The following AK9 variants were observed in gnomAD, a reference collection of about 807,000 sequenced individuals.
AK9 encodes adenylate kinase domain containing 1.
In AK9, 191 loss-of-function variants were observed where a neutral mutation model predicts 239.6. That is an observed-to-expected ratio of 0.80 (90% CI 0.71 to 0.90). AK9 has a LOEUF of 0.90. Ranked by LOEUF, AK9 falls within the 40% of genes least tolerant of loss-of-function variation. The pLI is 0.00. For missense variants in AK9, 1,995 were observed against 2,214.7 expected (o/e 0.90, Z 1.99); for synonymous variants, 689 against 721.0 (o/e 0.96, Z 0.71).
chr6:109,652,857 T>C (rs889256893), intron 8 of AK9, among the ~76,000 whole-genome samples: 5 of 152,208 alleles, frequency 3.3e-5, no homozygotes, highest in Admixed American at 3.3e-4. Context: ...CACATATAAA[T>C]GTTCAGTAAC....
At chr6:109,650,975 G>A (rs1285369559) in intron 8 of AK9, among the ~76,000 whole-genome samples, 2 of 151,892 alleles carry the variant, frequency 1.3e-5, no homozygotes, top group East Asian at 1.9e-4. Context: ...GCAAACTATC[G>A]CAAGGACAAA....
intron 24 of AK9, among the ~76,000 whole-genome samples, chr6:109,556,104 A>T (rs746560920): frequency 3.2e-4 from 49 of 152,144 alleles, no homozygotes; most frequent in Non-Finnish European, 1.6e-4. Flanking sequence ...TTGTAGTGTC[A>T]TTGGTCTTTA....
At chr6:109,664,870 TA>T (rs1238437860) in intron 5 of AK9, among the ~76,000 whole-genome samples, 33 of 148,956 alleles carry the variant, frequency 2.2e-4, no homozygotes, top group African/African-American at 2.2e-4. Flanking sequence ...CCATCTCTAC[TA>T]AAAAAAAAAA....
At chr6:109,522,115 A>C (rs955736402) in intron 29 of AK9, among the ~76,000 whole-genome samples, 1 of 152,044 alleles carries the variant, frequency 6.6e-6, no homozygotes, top group Non-Finnish European at 1.5e-5. Flanking sequence ...TTTGTCTTTT[A>C]CTATCCAGTA....
At chr6:109,586,430 AAAGGG>A (rs1789516843) in intron 17 of AK9, among the ~76,000 whole-genome samples, 2 of 152,174 alleles carry the variant, frequency 1.3e-5, no homozygotes, top group South Asian at 4.1e-4. Context: ...CAAAGTTAAC[AAAGGG>A]AAGAACAGAC....
At chr6:109,579,138 G>C (rs1358692078) in intron 20 of AK9, among the ~76,000 whole-genome samples, 1 of 152,170 alleles carries the variant, frequency 6.6e-6, no homozygotes, top group Non-Finnish European at 1.5e-5. Context: ...TAATCATAAA[G>C]AGAGTAAGTG....
At chr6:109,652,339 C>G (rs903320868) in intron 8 of AK9, among the ~76,000 whole-genome samples, 7 of 143,184 alleles carry the variant, frequency 4.9e-5, no homozygotes, top group Admixed American at 1.4e-4. Flanking sequence ...AAAAGGCCTT[C>G]AAAAAAATTC....
At chr6:109,584,440 C>A (rs1414133464) in intron 19 of AK9, among the ~76,000 whole-genome samples, 2 of 151,886 alleles carry the variant, frequency 1.3e-5, no homozygotes, top group Non-Finnish European at 2.9e-5. Flanking sequence ...AGTAGAAATC[C>A]CAGTGGACAA....
At chr6:109,665,532 G>A (rs1801066866) in intron 5 of AK9, among the ~76,000 whole-genome samples, 1 of 152,188 alleles carries the variant, frequency 6.6e-6, no homozygotes, top group African/African-American at 2.4e-5. Flanking sequence ...CTTTGCTCTT[G>A]TGAGTCTAGC....
intron 17 of AK9, among the ~76,000 whole-genome samples, chr6:109,603,621 C>A (rs1356771088): frequency 6.6e-6 from 1 of 152,214 alleles, no homozygotes; most frequent in Non-Finnish European, 1.5e-5. Context: ...ACATTTAAGT[C>A]TGCAGAGGTT....
intron 17 of AK9, among the ~76,000 whole-genome samples, chr6:109,593,143 G>C (rs1229098392): frequency 6.6e-6 from 1 of 151,414 alleles, no homozygotes; most frequent in Non-Finnish European, 1.5e-5. Flanking sequence ...GCTTGTGCTG[G>C]GCTATTGTTA....
chr6:109,586,134 A>AC, intron 17 of AK9, 62 bp from the exon 18 acceptor site: 5 of 1,314,192 alleles, frequency 3.8e-6, no homozygotes, highest in Non-Finnish European at 5.0e-6. Flanking sequence ...TGCAACCTTG[A>AC]TATGTAATTT....
chr6:109,612,589 T>A (rs532693156), intron 15 of AK9, among the ~76,000 whole-genome samples: 2 of 152,114 alleles, frequency 1.3e-5, no homozygotes, highest in South Asian at 4.1e-4. Flanking sequence ...GCAGCAAAGA[T>A]GAGGCTGTCA....
At chr6:109,642,762 C>T (rs992452004) in intron 9 of AK9, among the ~76,000 whole-genome samples, 7 of 151,958 alleles carry the variant, frequency 4.6e-5, no homozygotes, top group Admixed American at 1.3e-4. Flanking sequence ...AAAAGGAGAA[C>T]GGTGGGAGAA....
Position 109,493,245 on chromosome 6 carries a change from A to G in AK9, c.*124T>C. On this transcript the variant is annotated 3_prime_UTR_variant, in exon 41 of 41. Transcript: ENST00000424296. ...TGAGTTCACCTGAAGTCTGGCAGCC[A>G]TGGTACCTTGCTCAGGAGGCAAAAG... is the stretch of plus-strand genomic sequence containing the variant. 3 of 966,470 alleles carry G rather than the reference A, an allele frequency of 3.1e-6. No homozygotes were observed. The highest frequency in any genetic ancestry group is 3.1e-6 in the Non-Finnish European group (2 of 645,810). The allele number at this position is 966,470 out of a possible 1,614,324, so 59.9% of individuals were successfully genotyped here. A position where few individuals can be genotyped will look rare whatever the true frequency, so the allele number is the denominator to read the frequency against.
At chr6:109,548,416 A>T (rs1231394273) in intron 25 of AK9, among the ~76,000 whole-genome samples, 5 of 152,204 alleles carry the variant, frequency 3.3e-5, no homozygotes, top group Admixed American at 3.3e-4. Context: ...CTTGAGAAGA[A>T]GAATGGTGAA....
chr6:109,615,608 G>A (rs1020955594), intron 13 of AK9, among the ~76,000 whole-genome samples: 5 of 152,072 alleles, frequency 3.3e-5, no homozygotes, highest in African/African-American at 1.2e-4. Flanking sequence ...TTTCAGTGCT[G>A]GTCTTTTTGT....
At position 109,619,729 on chromosome 6, in the gene AK9, G is replaced by A. The variant is rs1794601555; in HGVS notation, c.1255-493C>T. On this transcript the variant is annotated intron_variant, in intron 12 of 40. Transcript: ENST00000424296. ...GGCTGAGACAGGAGGATCCCTTGAG[G>A]TCAGGAGTTCAAGAGCAGCCTGAAC... Among the ~76,000 whole-genome samples, 3 of 151,992 alleles carry A rather than the reference G, an allele frequency of 2.0e-5. No homozygotes were observed. The South Asian group carries it at 6.2e-4, about 32-fold the overall frequency.
At chr6:109,592,375 A>AAATAGGAC (rs1474031678) in intron 17 of AK9, among the ~76,000 whole-genome samples, 1 of 152,160 alleles carries the variant, frequency 6.6e-6, no homozygotes, top group Non-Finnish European at 1.5e-5. Flanking sequence ...AGAAGACCAA[A>AAATAGGAC]AATAGGACTC....
Sources: gnomAD v4.1 joint callset for allele counts (sites outside exome capture counted in the v4.1 genomes callset) on GRCh38, gnomAD v4.1.1 for gene constraint, MANE v1.5 for transcripts, NCBI Gene and HGNC (gene_info 2026-07-23, HGNC 2026-07-21) for gene names.